Variants in ATR observed in about 807,000 individuals in gnomAD.
The protein encoded by ATR is ATR checkpoint kinase, also known as serine/threonine-protein kinase ATR.
Under a neutral mutation model 305.3 loss-of-function variants are expected in ATR, and 142 were observed. That is an observed-to-expected ratio of 0.47 (90% CI 0.41 to 0.53). The LOEUF is 0.53. ATR is among the 20% of genes least tolerant of loss of function. The probability of loss-of-function intolerance (pLI) is 0.00; values close to 1 mark genes in which losing one functional copy is unlikely to be tolerated. For missense variants in ATR, 2,135 were observed against 3,133.1 expected, an observed-to-expected ratio of 0.68 and a Z score of 7.60; for synonymous variants, 1,050 against 1,068.1, an observed-to-expected ratio of 0.98 and a Z score of 0.33.
chr3:142,476,702 G>A (rs571972842), intron 36 of ATR, among the ~76,000 whole-genome samples: 58 of 152,186 alleles, frequency 3.8e-4, no homozygotes, highest in Non-Finnish European at 6.8e-4. Flanking sequence ...CCATTTTCAC[G>A]ATATTGATTC....
chr3:142,501,036 G>A (rs1048544156), intron 30 of ATR, among the ~76,000 whole-genome samples: 1 of 152,134 alleles, frequency 6.6e-6, no homozygotes, highest in Admixed American at 6.5e-5. Flanking sequence ...ATGATAAATA[G>A]GGCAGGCACA....
intron 21 of ATR, among the ~76,000 whole-genome samples, chr3:142,532,786 G>C (rs867979478): frequency 6.6e-6 from 1 of 152,106 alleles, no homozygotes; most frequent in Non-Finnish European, 1.5e-5. Flanking sequence ...CACTCTTAAA[G>C]TATCTTTTCC....
chr3:142,514,022 C>A (rs1215365583), intron 25 of ATR, among the ~76,000 whole-genome samples: 1 of 150,250 alleles, frequency 6.7e-6, no homozygotes, highest in Non-Finnish European at 1.5e-5. Flanking sequence ...GTAATCCCAG[C>A]ACTTTGGGAG....
chr3:142,483,874 A>AAAAT (rs147240290), intron 36 of ATR, among the ~76,000 whole-genome samples: 44 of 149,428 alleles, frequency 2.9e-4, no homozygotes, highest in Non-Finnish European at 5.6e-4. Flanking sequence ...AATAAAATAA[A>AAAAT]ATATATATAT....
chr3:142,577,085 T>C (rs1390112990), intron 1 of ATR, among the ~76,000 whole-genome samples: 1 of 152,222 alleles, frequency 6.6e-6, no homozygotes, highest in African/African-American at 2.4e-5. Flanking sequence ...ATGTCATGGA[T>C]ATACTATGAA....
rs112964537 is a variant in ATR at position 142,534,865 on chromosome 3, T to G, written c.3945+215A>C. On this transcript the variant is annotated intron_variant, in intron 21 of 46. Coordinates refer to ENST00000350721, the MANE Select transcript of ATR (RefSeq NM_001184.4). ...AACCTAAAATATAACCATCAAATCA[T>G]GATCCTTCAAAAACAACAAAAACTG... 3.3e-3 allele frequency among the ~76,000 whole-genome samples: 505 copies of G among 152,250 alleles called. 5 individuals are homozygous for G. Among genetic ancestry groups the G allele is most frequent in the African/African-American group, 0.012 (487 of 41,556 alleles).
Position 142,496,531 on chromosome 3 carries a change from T to G in ATR, c.5739-11A>C. On this transcript the variant is annotated splice_polypyrimidine_tract_variant and intron_variant, in intron 33 of 46. Transcript: ENST00000350721. ...TCATTGTAATCTGGTCTAAAGGAAG[T>G]AACAACACATTGGTGAGAGAGACCA... 1 of 1,548,344 alleles carries G rather than the reference T, an allele frequency of 6.5e-7. No individual in the cohort carries two copies. Among genetic ancestry groups the G allele is most frequent in the Non-Finnish European group, 8.8e-7 (1 of 1,131,172 alleles).
Position 142,550,120 on chromosome 3 carries a change from G to T in ATR, c.2976+12C>A. ...ATTGCAAACCTCAAGTGAACTATAT[G>T]TTGCAACTTACAGTAAGAAAACGAT... On this transcript the variant is annotated intron_variant, in intron 14 of 46. Coordinates refer to ENST00000350721, the MANE Select transcript of ATR (RefSeq NM_001184.4). 1.9e-6 allele frequency: 3 copies of T among 1,613,778 alleles called. No homozygotes were observed. The highest frequency in any genetic ancestry group is 2.5e-6 in the Non-Finnish European group (3 of 1,179,692).
intron 35 of ATR, among the ~76,000 whole-genome samples, chr3:142,486,396 T>A (rs1479627899): frequency 2.0e-5 from 3 of 152,148 alleles, no homozygotes; most frequent in African/African-American, 7.2e-5. Flanking sequence ...CAGAAAAACA[T>A]ATTAGTCAAT....
intron 31 of ATR, chr3:142,499,012 G>A: frequency 1.8e-6 from 1 of 548,882 alleles, no homozygotes; most frequent in Non-Finnish European, 3.3e-6. Context: ...TCCTGAGTAG[G>A]TGAACAGGCA....
In ATR at chr3:142,576,284, G is replaced by A. The variant is rs114783280; in HGVS notation, c.59+2362C>T. On this transcript the variant is annotated intron_variant, in intron 1 of 46. Transcript: ENST00000350721. ...AATTCAAGGGCGCAGTAAATCAGGC[G>A]TTCTGCTTTGGATATGTTAATTTTC... Among the ~76,000 whole-genome samples, 1,241 of 152,326 alleles carry A rather than the reference G, an allele frequency of 8.1e-3. 13 individuals carry two copies. Among genetic ancestry groups the A allele is most frequent in the African/African-American group, 0.029 (1,189 of 41,580 alleles).
chr3:142,451,139 G>T, intron 46 of ATR: 1 of 1,240,138 alleles, frequency 8.1e-7, no homozygotes, highest in South Asian at 1.5e-5. Flanking sequence ...CCTCCTAGAG[G>T]AGAATTTCAC....
At chr3:142,485,000 T>A (rs892293932) in intron 36 of ATR, 140 bp downstream of exon 36, 38 of 1,270,448 alleles carry the variant, frequency 3.0e-5, no homozygotes, top group Middle Eastern at 2.7e-4. Flanking sequence ...AGGAAAAATT[T>A]ACATCTTATC....
chr3:142,564,811 G>T (rs554088344), intron 3 of ATR, among the ~76,000 whole-genome samples: 1 of 151,982 alleles, frequency 6.6e-6, no homozygotes, highest in Non-Finnish European at 1.5e-5. Flanking sequence ...GAGTGCAACG[G>T]CATGGTCTTA....
intron 34 of ATR, among the ~76,000 whole-genome samples, chr3:142,494,191 G>A (rs1474132173): frequency 1.3e-5 from 2 of 152,160 alleles, no homozygotes; most frequent in East Asian, 1.9e-4. Context: ...ACAAGAGGAT[G>A]TCCGCAGGTT....
chr3:142,477,724 G>A (rs2029998364), intron 36 of ATR, among the ~76,000 whole-genome samples: 1 of 152,066 alleles, frequency 6.6e-6, no homozygotes, highest in Non-Finnish European at 1.5e-5. Flanking sequence ...TCTGGTCCTG[G>A]ACTTTTTTTG....
chr3:142,496,336 A>ATATATATATATCTATATATATC (rs531114901), intron 34 of ATR, 25 bp downstream of exon 34: 1 of 522,178 alleles, frequency 1.9e-6, no homozygotes, highest in Non-Finnish European at 3.1e-6. Context: ...ATATATATAT[A>ATATATATATATCTATATATATC]TGATGACATT....
In ATR at chr3:142,470,074, GAA is replaced by G; in HGVS notation, c.6319+10_6319+11del. The G allele has an allele frequency of 6.3e-7, 1 of 1,582,444 alleles. No homozygotes were observed. Among genetic ancestry groups the G allele is most frequent in the Non-Finnish European group, 8.7e-7 (1 of 1,153,156 alleles). On this transcript the variant is annotated intron_variant, in intron 37 of 46. Coordinates refer to ENST00000350721, the MANE Select transcript of ATR (RefSeq NM_001184.4). ...TCCTAGTCCTTTAAAACTTTTACGTGAAGAGTTATACCTTTTTCCCATTCATA... is the reference window on the plus strand; with the variant it reads ...TCCTAGTCCTTTAAAACTTTTACGTGGAGTTATACCTTTTTCCCATTCATA...
chr3:142,499,242 T>C (rs191232258), intron 31 of ATR: 1 of 320,446 alleles, frequency 3.1e-6, no homozygotes. Context: ...AGATATTAAG[T>C]ATGAATGTTG....
Sources: gnomAD v4.1 joint callset for allele counts (sites outside exome capture counted in the v4.1 genomes callset) on GRCh38, gnomAD v4.1.1 for gene constraint, MANE v1.5 for transcripts, NCBI Gene and HGNC (gene_info 2026-07-23, HGNC 2026-07-21) for gene names.